The following ERC2 variants were observed in gnomAD, a reference collection of about 807,000 sequenced individuals.
The protein encoded by ERC2 is ERC protein 2.
In ERC2, 42 loss-of-function variants were observed where a neutral mutation model predicts 114.8. That is an observed-to-expected ratio of 0.37 (90% confidence interval 0.29 to 0.47). ERC2 has a LOEUF of 0.47. Ranked by LOEUF, ERC2 falls within the 20% of genes least tolerant of loss-of-function variation. The pLI is 0.99. For missense variants in ERC2, 939 were observed against 1,150.7 expected (o/e 0.82, Z 2.66); for synonymous variants, 454 against 425.5 (o/e 1.07, Z -0.82).
intron 14 of ERC2, among the ~76,000 whole-genome samples, chr3:55,876,910 A>C (rs949212633): frequency 2.0e-5 from 3 of 152,208 alleles, no homozygotes; most frequent in Admixed American, 2.0e-4. Flanking sequence ...CAAGAGGTCA[A>C]AGTCATCTAT....
chr3:56,299,123 T>G (rs1453455574), intron 2 of ERC2, among the ~76,000 whole-genome samples: 3 of 135,944 alleles, frequency 2.2e-5, no homozygotes, highest in African/African-American at 5.7e-5. Context: ...TTTTTTGTTT[T>G]TTTTTTTGTT....
chr3:56,424,833 G>C (rs1263584997), intron 2 of ERC2, among the ~76,000 whole-genome samples: 1 of 152,128 alleles, frequency 6.6e-6, no homozygotes, highest in Non-Finnish European at 1.5e-5. Flanking sequence ...AGCATTCCAA[G>C]GTATGTTGTG....
Position 56,381,494 on chromosome 3 carries a change from T to G in ERC2, c.657+52857A>C, listed in dbSNP as rs185949711. On this transcript the variant is annotated intron_variant, in intron 2 of 17. Transcript: ENST00000288221. Reference sequence around the variant, plus strand: ...GCTGAAAAAAAAATCCACGTGTAAGTGGATCCTCACAGTTCAAACCCATGT... The same window carrying G: ...GCTGAAAAAAAAATCCACGTGTAAGGGGATCCTCACAGTTCAAACCCATGT... Among the ~76,000 whole-genome samples, 53 of 152,212 alleles carry G rather than the reference T, an allele frequency of 3.5e-4. 2 individuals carry two copies. Among genetic ancestry groups the G allele is most frequent in the Admixed American group, 3.3e-3 (51 of 15,280 alleles).
In ERC2 at chr3:56,455,334, A is replaced by G. The variant is rs534439152; in HGVS notation, c.-141+12914T>C. Among the ~76,000 whole-genome samples the G allele has an allele frequency of 2.0e-5, 3 of 152,292 alleles. No individual in the cohort carries two copies. The East Asian group carries it at 5.8e-4, about 29-fold the overall frequency. On this transcript the variant is annotated intron_variant, in intron 1 of 17. Transcript: ENST00000288221. ...ACTCTCCTAGCCTTTGTGTAAAAAT[A>G]CCCTAAGGCAGGTGTTTTACACTAT...
At chr3:55,565,443 C>T (rs920658419) in intron 17 of ERC2, among the ~76,000 whole-genome samples, 2 of 152,114 alleles carry the variant, frequency 1.3e-5, no homozygotes, top group African/African-American at 4.8e-5. Flanking sequence ...AGGCCACAGG[C>T]AGAGTGTCCC....
At chr3:55,752,493 T>C (rs935348617) in intron 14 of ERC2, among the ~76,000 whole-genome samples, 2 of 152,186 alleles carry the variant, frequency 1.3e-5, no homozygotes, top group African/African-American at 4.8e-5. Context: ...TTCAAGATAA[T>C]TGAACAGTTT....
chr3:55,934,532 A>G (rs1347016684), intron 13 of ERC2, among the ~76,000 whole-genome samples: 3 of 152,202 alleles, frequency 2.0e-5, no homozygotes, highest in Non-Finnish European at 4.4e-5. Flanking sequence ...CAATCTCAAA[A>G]TCACACAGCT....
intron 17 of ERC2, among the ~76,000 whole-genome samples, chr3:55,593,915 C>T (rs931548897): frequency 2.6e-5 from 4 of 152,160 alleles, no homozygotes; most frequent in Non-Finnish European, 5.9e-5. Context: ...CCTCGACTCT[C>T]CATCTTTTAC....
intron 14 of ERC2, among the ~76,000 whole-genome samples, chr3:55,787,668 C>T (rs2069624568): frequency 6.6e-6 from 1 of 152,100 alleles, no homozygotes; most frequent in Non-Finnish European, 1.5e-5. Context: ...AAGAAGCATT[C>T]TTCTCTCCAG....
chr3:55,947,807 T>A (rs1388664287), intron 13 of ERC2, among the ~76,000 whole-genome samples: 1 of 152,200 alleles, frequency 6.6e-6, no homozygotes, highest in Non-Finnish European at 1.5e-5. Flanking sequence ...AGCATTATTA[T>A]GGCAATTGCT....
chr3:55,735,757 T>G (rs1288990799), intron 14 of ERC2, among the ~76,000 whole-genome samples: 1 of 152,186 alleles, frequency 6.6e-6, no homozygotes, highest in Non-Finnish European at 1.5e-5. Flanking sequence ...CAATTTCACC[T>G]ATTACTTTTT....
intron 1 of ERC2, among the ~76,000 whole-genome samples, chr3:56,445,307 G>C (rs888095709): frequency 5.9e-5 from 9 of 152,102 alleles, no homozygotes; most frequent in African/African-American, 1.9e-4. Context: ...CACATATAAG[G>C]TCTTAAACAA....
intron 5 of ERC2, among the ~76,000 whole-genome samples, chr3:56,142,274 C>T (rs2080899762): frequency 6.6e-6 from 1 of 152,092 alleles, no homozygotes; most frequent in Non-Finnish European, 1.5e-5. Flanking sequence ...TCTTCCTTTT[C>T]ATTTCTAATA....
At chr3:55,817,457 C>A (rs2059946545) in intron 14 of ERC2, among the ~76,000 whole-genome samples, 1 of 152,208 alleles carries the variant, frequency 6.6e-6, no homozygotes, top group South Asian at 2.1e-4. Flanking sequence ...GGATGGGCGG[C>A]CTTCAGCTCA....
chr3:55,689,412 C>T (rs181196905), intron 16 of ERC2, among the ~76,000 whole-genome samples: 20 of 152,220 alleles, frequency 1.3e-4, no homozygotes, highest in Admixed American at 7.2e-4. Flanking sequence ...TGAGAATGGT[C>T]GAAGCCTCTA....
At chr3:56,287,213 G>A (rs2054780289) in intron 3 of ERC2, among the ~76,000 whole-genome samples, 1 of 152,190 alleles carries the variant, frequency 6.6e-6, no homozygotes, top group South Asian at 2.1e-4. Context: ...AATTGACACA[G>A]AAAGAAACAC....
chr3:55,885,617 T>G (rs879335533), intron 14 of ERC2, among the ~76,000 whole-genome samples: 5 of 152,218 alleles, frequency 3.3e-5, no homozygotes, highest in African/African-American at 4.8e-5. Flanking sequence ...AGGTGCTATC[T>G]GAAACCATGA....
chr3:55,699,167 C>T (rs1393772349), intron 16 of ERC2, among the ~76,000 whole-genome samples: 1 of 151,966 alleles, frequency 6.6e-6, no homozygotes, highest in Non-Finnish European at 1.5e-5. Context: ...AAATGCATAA[C>T]ATAAACAAGA....
intron 14 of ERC2, among the ~76,000 whole-genome samples, chr3:55,768,908 A>T (rs924824955): frequency 2.0e-5 from 3 of 152,306 alleles, no homozygotes; most frequent in Non-Finnish European, 1.5e-5. Flanking sequence ...TCAAACTCAT[A>T]CCCTAAGATT....
Sources: gnomAD v4.1 joint callset for allele counts (sites outside exome capture counted in the v4.1 genomes callset) on GRCh38, gnomAD v4.1.1 for gene constraint, MANE v1.5 for transcripts, NCBI Gene and HGNC (gene_info 2026-07-23, HGNC 2026-07-21) for gene names.